Variants in AKAP13 observed in about 807,000 individuals in gnomAD.
AKAP13 encodes A-kinase anchoring protein 13, also known as A-kinase anchor protein 13.
In AKAP13, 80 loss-of-function variants were observed where a neutral mutation model predicts 264.5. The observed-to-expected ratio is 0.30, with a 90% CI of 0.25 to 0.36. AKAP13 has a LOEUF of 0.36. Ranked by LOEUF, AKAP13 falls within the 10% of genes least tolerant of loss-of-function variation. The pLI, the probability that AKAP13 is intolerant of heterozygous loss-of-function variation, is 1.00. For missense variants in AKAP13, 3,712 were observed against 3,435.2 expected (o/e 1.08, Z -2.01); for synonymous variants, 1,380 against 1,250.2 (o/e 1.10, Z -2.19).
At chr15:85,394,132 C>T (rs923632002) in intron 1 of AKAP13, among the ~76,000 whole-genome samples, 1 of 152,130 alleles carries the variant, frequency 6.6e-6, no homozygotes, top group Admixed American at 6.6e-5. Context: ...AGTTGAAAAA[C>T]CAGTTTTTTA....
At chr15:85,669,354 T>TC (rs772093447) in intron 13 of AKAP13, among the ~76,000 whole-genome samples, 1 of 152,238 alleles carries the variant, frequency 6.6e-6, no homozygotes. Context: ...GTTTGATATT[T>TC]CCAGTGAAAT....
chr15:85,474,874 G>A (rs115729769), intron 1 of AKAP13, among the ~76,000 whole-genome samples: 89 of 152,204 alleles, frequency 5.8e-4, no homozygotes, highest in African/African-American at 2.0e-3. Flanking sequence ...CATTTTTAAC[G>A]TCTCTGATCC....
In AKAP13 at chr15:85,581,001, T is replaced by C; in HGVS notation, c.2933T>C (p.Leu978Pro). The change falls in exon 7 of 37, where the codon CTT becomes CCT. Residue 978 changes from leucine (L) to proline (P), a missense_variant. Around this residue, in one of 3 missense-constraint regions of AKAP13, gnomAD observed 2,759 missense variants for 2,411.7 expected, o/e 1.14. Transcript: ENST00000394518. The part of the protein sequence containing the change: ...ISADCAKDKA[L>P]QLSNSPGASS... Reference sequence around the variant, plus strand: ...GCTGACTGTGCCAAGGACAAAGCACTTCAGCTAAGTAATTCACCGGGTGCA... The same window carrying C: ...GCTGACTGTGCCAAGGACAAAGCACCTCAGCTAAGTAATTCACCGGGTGCA... The C allele has an allele frequency of 1.2e-6, 2 of 1,613,878 alleles. No individual in the cohort carries two copies. Among genetic ancestry groups the C allele is most frequent in the Non-Finnish European group, 1.7e-6 (2 of 1,179,844 alleles).
Position 85,664,688 on chromosome 15 carries a change from C to A in AKAP13, c.4925C>A (p.Ser1642Tyr), listed in dbSNP as rs1267375970. The A allele has an allele frequency of 1.9e-6, 3 of 1,614,076 alleles. No individual in the cohort carries two copies. In the Admixed American group the frequency reaches 5.0e-5, roughly 27 times the overall value. Residue 1642 changes from serine to tyrosine, a missense_variant, in exon 13 of 37, where the codon TCT becomes TAT. Physicochemically the swap from Ser to Tyr is moderately radical, Grantham distance 144. This residue lies in a region of AKAP13 where 2,759 missense variants were observed against 2,411.7 expected (regional missense o/e 1.14). Coordinates refer to ENST00000394518, the MANE Select transcript of AKAP13 (RefSeq NM_007200.5). ...HPFSGEERVD[S>Y]LVSLSEEDLE... ...TTCAGTGGTGAGGAACGGGTTGACT[C>A]TTTGGTGTCACTTTCAGAAGAGGAT...
chr15:85,430,959 G>A (rs903258175), intron 1 of AKAP13, among the ~76,000 whole-genome samples: 1 of 152,138 alleles, frequency 6.6e-6, no homozygotes, highest in Non-Finnish European at 1.5e-5. Context: ...TGTTGCCCCA[G>A]GACCAGGCCA....
In AKAP13 at chr15:85,741,729, CAAAAA is replaced by C. The variant is rs112524984; in HGVS notation, c.8058+242_8058+246del. On this transcript the variant is annotated intron_variant, in intron 35 of 36. Transcript: ENST00000394518. ...AAAAAAAAAAAAACAAACAAACAAACAAAAAAAAAAAACAGTTTTTAAGAATCTTT... is the reference window on the plus strand; with the variant it reads ...AAAAAAAAAAAAACAAACAAACAAACAAAAAAACAGTTTTTAAGAATCTTT... 7.3e-3 allele frequency among the ~76,000 whole-genome samples: 599 copies of C among 82,316 alleles called. 9 individuals carry two copies. Among genetic ancestry groups the C allele is most frequent in the African/African-American group, 0.017 (491 of 29,078 alleles). The allele number at this position is 82,316 out of a possible 152,430, so 54.0% of individuals were successfully genotyped here. A position where few individuals can be genotyped will look rare whatever the true frequency, so the allele number is the denominator to read the frequency against.
intron 1 of AKAP13, among the ~76,000 whole-genome samples, chr15:85,410,771 A>C (rs537656548): frequency 1.3e-5 from 2 of 151,482 alleles, no homozygotes; most frequent in South Asian, 4.2e-4. Context: ...ATCCTTCTCT[A>C]GCTGGTCCAG....
intron 1 of AKAP13, among the ~76,000 whole-genome samples, chr15:85,459,595 G>C (rs2074427486): frequency 6.6e-6 from 1 of 151,558 alleles, no homozygotes; most frequent in Admixed American, 6.6e-5. Flanking sequence ...CGCCTCCCAG[G>C]TTCACACCAT....
intron 14 of AKAP13, among the ~76,000 whole-genome samples, chr15:85,679,175 A>G (rs528367079): frequency 6.8e-4 from 104 of 151,982 alleles, no homozygotes; most frequent in African/African-American, 2.4e-3. Context: ...CAGGAGGCGG[A>G]GGTTGCAGTG....
intron 16 of AKAP13, among the ~76,000 whole-genome samples, chr15:85,688,732 T>C (rs1367383173): frequency 2.0e-5 from 3 of 152,150 alleles, no homozygotes; most frequent in Non-Finnish European, 4.4e-5. Context: ...ACTTAAGAAA[T>C]TGAGTCCTTG....
At chr15:85,666,146 T>A (rs1456613691) in intron 13 of AKAP13, among the ~76,000 whole-genome samples, 1 of 152,216 alleles carries the variant, frequency 6.6e-6, no homozygotes, top group East Asian at 1.9e-4. Context: ...CCGCCAACAG[T>A]GTAAAAGCGT....
intron 1 of AKAP13, among the ~76,000 whole-genome samples, chr15:85,443,777 GT>G (rs2073800993): frequency 6.7e-6 from 1 of 149,978 alleles, no homozygotes; most frequent in Non-Finnish European, 1.5e-5. Context: ...AAAAAAGTGT[GT>G]GTGTGTGTGT....
chr15:85,561,051 ATTTTTTTTTT>A (rs11311086), intron 5 of AKAP13, among the ~76,000 whole-genome samples: 9 of 109,510 alleles, frequency 8.2e-5, no homozygotes, highest in Non-Finnish European at 1.6e-4. Flanking sequence ...GGATGTAAGG[ATTTTTTTTTT>A]TTTTTTTTTT....
At chr15:85,544,922 C>T (rs2077686627) in intron 5 of AKAP13, among the ~76,000 whole-genome samples, 1 of 152,188 alleles carries the variant, frequency 6.6e-6, no homozygotes, top group African/African-American at 2.4e-5. Flanking sequence ...CCATTTTTAA[C>T]TGTGTATATA....
chr15:85,550,713 TA>T (rs1389353339), intron 5 of AKAP13, among the ~76,000 whole-genome samples: 1 of 152,178 alleles, frequency 6.6e-6, no homozygotes, highest in African/African-American at 2.4e-5. Flanking sequence ...AGACATACCT[TA>T]AAAATAATAA....
intron 8 of AKAP13, among the ~76,000 whole-genome samples, chr15:85,605,546 G>A (rs1010101107): frequency 1.3e-5 from 2 of 152,100 alleles, no homozygotes; most frequent in African/African-American, 2.4e-5. Flanking sequence ...CTGGGTTGAT[G>A]GATTGATAGG....
intron 1 of AKAP13, among the ~76,000 whole-genome samples, chr15:85,453,930 G>A (rs1166319494): frequency 6.6e-6 from 1 of 152,248 alleles, no homozygotes; most frequent in Non-Finnish European, 1.5e-5. Context: ...GTGCTGTGCT[G>A]TGCTGGGGCA....
At chr15:85,487,766 C>T (rs1219811288) in intron 2 of AKAP13, among the ~76,000 whole-genome samples, 1 of 151,548 alleles carries the variant, frequency 6.6e-6, no homozygotes, top group Non-Finnish European at 1.5e-5. Context: ...AGGTCTTGCT[C>T]TGTCACCCAG....
intron 1 of AKAP13, among the ~76,000 whole-genome samples, chr15:85,439,947 G>T (rs1409852038): frequency 6.7e-6 from 1 of 149,596 alleles, no homozygotes; most frequent in Non-Finnish European, 1.5e-5. Context: ...ATATGCACAT[G>T]TACCCTAAAA....
Sources: gnomAD v4.1 joint callset for allele counts (sites outside exome capture counted in the v4.1 genomes callset) on GRCh38, gnomAD v4.1.1 for gene constraint, gnomAD v4.1.1 regional missense constraint, MANE v1.5 for transcripts, NCBI Gene and HGNC (gene_info 2026-07-23, HGNC 2026-07-21) for gene names.